Variants in LRP1B observed in about 807,000 individuals in gnomAD.
LRP1B encodes LDL receptor related protein 1B.
Under a neutral mutation model 556.6 loss-of-function variants are expected in LRP1B, and 217 were observed. That is an observed-to-expected ratio of 0.39 (90% CI 0.35 to 0.44). The LOEUF (loss-of-function observed/expected upper bound fraction) is 0.44. Among genes scored for constraint, LRP1B ranks in the 20% least tolerant of loss-of-function variants. The pLI is 1.00. For missense variants in LRP1B, 5,053 were observed against 5,620.8 expected, an observed-to-expected ratio of 0.90 and a Z score of 3.23; for synonymous variants, 2,047 against 1,865.8, an observed-to-expected ratio of 1.10 and a Z score of -2.50.
intron 66 of LRP1B, among the ~76,000 whole-genome samples, chr2:140,407,094 G>A (rs551075910): frequency 6.6e-6 from 1 of 152,104 alleles, no homozygotes; most frequent in South Asian, 2.1e-4. Flanking sequence ...ACTGGGAAAA[G>A]TACATCCCAT....
At chr2:140,676,195 A>G (rs1685665900) in intron 41 of LRP1B, among the ~76,000 whole-genome samples, 1 of 152,174 alleles carries the variant, frequency 6.6e-6, no homozygotes, top group South Asian at 2.1e-4. Context: ...GACCTAGCTA[A>G]TTTATGTCAG....
intron 2 of LRP1B, among the ~76,000 whole-genome samples, chr2:141,770,485 C>T (rs969710633): frequency 6.6e-6 from 1 of 152,212 alleles, no homozygotes; most frequent in African/African-American, 2.4e-5. Context: ...TGAGTCATTT[C>T]ACTAATACCT....
chr2:141,204,738 G>T (rs1200853696), intron 6 of LRP1B, among the ~76,000 whole-genome samples: 1 of 152,058 alleles, frequency 6.6e-6, no homozygotes, highest in Non-Finnish European at 1.5e-5. Flanking sequence ...AGGAGTTCGA[G>T]ACCAGCTGGC....
chr2:141,466,983 C>T lies in LRP1B; in HGVS notation c.343+13413G>A, dbSNP rs1224012563. Among the ~76,000 whole-genome samples the T allele has an allele frequency of 2.1e-5, 3 of 142,292 alleles. No homozygotes were observed. In the East Asian group the frequency reaches 6.4e-4, roughly 30 times the overall value. 93.3% of individuals were successfully genotyped at this position (142,292 alleles called of 152,430 possible). ...TATATATATATATATCCCTAACTGGCTCCCCAGGAACTATCCTTTATGGAC... is the reference window on the plus strand; with the variant it reads ...TATATATATATATATCCCTAACTGGTTCCCCAGGAACTATCCTTTATGGAC... On this transcript the variant is annotated intron_variant, in intron 3 of 90. Coordinates refer to ENST00000389484, the MANE Select transcript of LRP1B (RefSeq NM_018557.3).
intron 20 of LRP1B, among the ~76,000 whole-genome samples, chr2:140,943,470 T>A (rs1044657431): frequency 1.3e-5 from 2 of 152,036 alleles, no homozygotes; most frequent in Non-Finnish European, 2.9e-5. Context: ...CCAGAATATA[T>A]ACTCTTCTCA....
intron 12 of LRP1B, among the ~76,000 whole-genome samples, chr2:141,018,012 A>T (rs2105393573): frequency 6.6e-6 from 1 of 151,866 alleles, no homozygotes; most frequent in African/African-American, 2.4e-5. Flanking sequence ...AAAAAAAAAA[A>T]AAAATTATGA....
chr2:141,726,291 A>G (rs1366609787), intron 2 of LRP1B, among the ~76,000 whole-genome samples: 1 of 151,534 alleles, frequency 6.6e-6, no homozygotes, highest in African/African-American at 2.4e-5. Context: ...AATGTTAATT[A>G]TTATAATCTC....
chr2:141,100,598 T>C (rs762781716), intron 7 of LRP1B, among the ~76,000 whole-genome samples: 2 of 152,132 alleles, frequency 1.3e-5, no homozygotes, highest in African/African-American at 2.4e-5. Flanking sequence ...GGTAGAGATA[T>C]CTCAACAGAA....
intron 41 of LRP1B, among the ~76,000 whole-genome samples, chr2:140,691,780 A>C (rs991986540): frequency 6.6e-6 from 1 of 152,154 alleles, no homozygotes; most frequent in African/African-American, 2.4e-5. Flanking sequence ...TTAATTTACT[A>C]ATGGTATCTA....
chr2:140,926,252 C>A (rs2105263862), intron 20 of LRP1B, among the ~76,000 whole-genome samples: 1 of 152,186 alleles, frequency 6.6e-6, no homozygotes, highest in Non-Finnish European at 1.5e-5. Flanking sequence ...ACATACACAT[C>A]ATTAATGTGT....
chr2:141,194,320 TCTACC>T (rs1390039670), intron 6 of LRP1B, among the ~76,000 whole-genome samples: 1 of 152,122 alleles, frequency 6.6e-6, no homozygotes, highest in African/African-American at 2.4e-5. Context: ...ATATTGATTT[TCTACC>T]AACCAGAAAT....
chr2:141,364,451 T>C (rs1027650624), intron 3 of LRP1B, among the ~76,000 whole-genome samples: 2 of 152,066 alleles, frequency 1.3e-5, no homozygotes, highest in Admixed American at 1.3e-4. Context: ...TGAAAACATC[T>C]CATTGTACCC....
chr2:141,977,686 TATC>T (rs1701925161), intron 1 of LRP1B, among the ~76,000 whole-genome samples: 1 of 152,206 alleles, frequency 6.6e-6, no homozygotes, highest in Non-Finnish European at 1.5e-5. Flanking sequence ...CACCATGAAA[TATC>T]ATCTTGGGTT....
intron 2 of LRP1B, among the ~76,000 whole-genome samples, chr2:141,659,646 G>A (rs1189462300): frequency 6.6e-6 from 1 of 152,046 alleles, no homozygotes; most frequent in African/African-American, 2.4e-5. Flanking sequence ...TGGGAGAATG[G>A]CATACTCCTT....
At chr2:141,717,208 A>C (rs1692635542) in intron 2 of LRP1B, among the ~76,000 whole-genome samples, 1 of 152,184 alleles carries the variant, frequency 6.6e-6, no homozygotes, top group African/African-American at 2.4e-5. Flanking sequence ...TTCTCTCAGC[A>C]ACTAATTTTT....
chr2:140,627,104 C>T (rs115685749), intron 41 of LRP1B, among the ~76,000 whole-genome samples: 6,416 of 152,188 alleles, frequency 0.042, 182 homozygotes, highest in Middle Eastern at 0.082. Context: ...AATAATAGAA[C>T]TTAAAATGGA....
intron 20 of LRP1B, among the ~76,000 whole-genome samples, chr2:140,936,217 G>A (rs995109676): frequency 1.3e-5 from 2 of 149,260 alleles, no homozygotes; most frequent in African/African-American, 5.1e-5. Flanking sequence ...GCATACATTT[G>A]TAATCTCAGC....
rs1687565794 is a variant in LRP1B at position 140,466,766 on chromosome 2, CA to C, written c.9625+8371del. ...TCCTGAAAAAAACAATTTATTGGAACAAATAAACTTAAAAACTCAAGGTCAA... is the reference window on the plus strand; with the variant it reads ...TCCTGAAAAAAACAATTTATTGGAACAATAAACTTAAAAACTCAAGGTCAA... On this transcript the variant is annotated intron_variant, in intron 60 of 90. Coordinates refer to ENST00000389484, the MANE Select transcript of LRP1B (RefSeq NM_018557.3). Among the ~76,000 whole-genome samples, 6 of 152,192 alleles carry C rather than the reference CA, an allele frequency of 3.9e-5. No homozygotes were observed. The East Asian group carries it at 1.2e-3, about 29-fold the overall frequency.
intron 41 of LRP1B, among the ~76,000 whole-genome samples, chr2:140,658,639 T>G (rs190976619): frequency 5.0e-4 from 76 of 152,244 alleles, no homozygotes; most frequent in Non-Finnish European, 1.0e-3. Context: ...TGTCTATTGA[T>G]ATGACAGTAC....
Sources: allele counts gnomAD v4.1 joint callset (sites outside exome capture counted in the v4.1 genomes callset), GRCh38; gene constraint gnomAD v4.1.1; transcripts MANE v1.5; gene names NCBI Gene and HGNC (gene_info 2026-07-23, HGNC 2026-07-21).